Variants in RNF41 observed in about 807,000 individuals in gnomAD.
RNF41 encodes the protein E3 ubiquitin-protein ligase NRDP1.
In RNF41, 4 loss-of-function variants were observed where a neutral mutation model predicts 33.0. That is an observed-to-expected ratio of 0.12 (90% CI 0.06 to 0.28). The LOEUF is 0.28. RNF41 is among the 10% of genes least tolerant of loss of function. The probability of loss-of-function intolerance (pLI) is 1.00; values close to 1 mark genes in which losing one functional copy is unlikely to be tolerated. For synonymous variants in RNF41, 164 were observed against 153.2 expected, an observed-to-expected ratio of 1.07 and a Z score of -0.52; for missense variants, 228 against 432.6, an observed-to-expected ratio of 0.53 and a Z score of 4.19.
In RNF41 at chr12:56,203,678, G is replaced by A. The variant is rs1363091903; in HGVS notation, c.*2769C>T. On this transcript the variant is annotated 3_prime_UTR_variant, in exon 7 of 7. Transcript: ENST00000345093. ...CAAAGTGCTGGGATTACAGACGTGA[G>A]CCACCGTGCCCGGCCTATGAAGACT... The A allele has an allele frequency of 9.7e-5, 14 of 143,938 alleles. No individual in the cohort carries two copies. In the Admixed American group the frequency reaches 1.0e-3, roughly 10 times the overall value. The allele number at this position is 143,938 out of a possible 1,614,324, so 8.9% of individuals were successfully genotyped here. A position where few individuals can be genotyped will look rare whatever the true frequency, so the allele number is the denominator to read the frequency against.
Position 56,206,624 on chromosome 12 carries a change from C to G in RNF41, c.777G>C (p.Leu259=), listed in dbSNP as rs767072626. 1.2e-6 allele frequency: 2 copies of G among 1,614,144 alleles called. No homozygotes were observed. The highest frequency in any genetic ancestry group is 1.7e-6 in the Non-Finnish European group (2 of 1,180,020). The change falls in exon 7 of 7, where the codon CTG becomes CTC. Residue 259 remains leucine, a synonymous_variant. Coordinates refer to ENST00000345093, the MANE Select transcript of RNF41 (RefSeq NM_005785.4). The surrounding 1 kb of genome is among the most constrained non-coding windows in gnomAD (Gnocchi z 5.7). ...TCATCTGTCTAGTCTCTAGTGTGGC[C>G]AGACCCTGGGGCCAGCTACGCTCGT... ...NAHERSWPQG[L]ATLETRQMNR...
At chr12:56,217,265 T>A (rs1019285255) in intron 1 of RNF41, among the ~76,000 whole-genome samples, 3 of 148,882 alleles carry the variant, frequency 2.0e-5, no homozygotes, top group African/African-American at 7.4e-5. Flanking sequence ...AATGCATAGA[T>A]CCAGGTTGCG....
At chr12:56,210,719 G>A (rs748008232) in intron 3 of RNF41, 151 bp from the exon 4 acceptor site, 9 of 743,666 alleles carry the variant, frequency 1.2e-5, no homozygotes, top group Middle Eastern at 3.4e-4. Flanking sequence ...GATCTACTAC[G>A]GGCAAGGCAT....
At chr12:56,209,553 G>T (rs1162578139) in intron 4 of RNF41, among the ~76,000 whole-genome samples, 2 of 151,912 alleles carry the variant, frequency 1.3e-5, no homozygotes, top group African/African-American at 4.8e-5. Context: ...CCCGTCCCAG[G>T]TTCATGCCGT....
Position 56,206,662 on chromosome 12 carries a change from T to A in RNF41, c.739A>T (p.Ile247Phe). ...CAGCTACGCTCGTGGGCATTTTCAA[T>A]CAGCTCGTTGACAATAGAAGCAGGA... ...GCPASIVNEL[I>F]ENAHERSWPQ... The change falls in exon 7 of 7, where the codon ATT becomes TTT. Residue 247 changes from isoleucine (I) to phenylalanine (F), a missense_variant. By Grantham distance (21) the Ile-to-Phe change is conservative (BLOSUM62 0). Transcript: ENST00000345093. This position sits in a 1 kb window ranked among gnomAD's most constrained non-coding sequence, Gnocchi z 5.7. The A allele has an allele frequency of 6.2e-7, 1 of 1,614,098 alleles. No individual in the cohort carries two copies. Among genetic ancestry groups the A allele is most frequent in the Non-Finnish European group, 8.5e-7 (1 of 1,180,032 alleles).
rs1468094494 is a variant in RNF41, at chr12:56,211,510, G to A, written c.91-942C>T. On this transcript the variant is annotated intron_variant, in intron 3 of 6. Coordinates refer to ENST00000345093, the MANE Select transcript of RNF41 (RefSeq NM_005785.4). ...CCAATTATTAATTGCCATCTGGATTGCATACACAATAATTGCCAAAAATGT... is the reference window on the plus strand; with the variant it reads ...CCAATTATTAATTGCCATCTGGATTACATACACAATAATTGCCAAAAATGT... Among the ~76,000 whole-genome samples, 4 of 151,360 alleles carry A rather than the reference G, an allele frequency of 2.6e-5. No homozygotes were observed. In the South Asian group the frequency reaches 8.3e-4, roughly 31 times the overall value.
chr12:56,220,981 G>A (rs1374293028), intron 1 of RNF41, among the ~76,000 whole-genome samples: 1 of 152,044 alleles, frequency 6.6e-6, no homozygotes, highest in Non-Finnish European at 1.5e-5. Flanking sequence ...GTATAGAAAG[G>A]GATAACACTA....
At chr12:56,213,294 G>A (rs984491058) in intron 3 of RNF41, among the ~76,000 whole-genome samples, 3 of 151,546 alleles carry the variant, frequency 2.0e-5, no homozygotes, top group African/African-American at 4.9e-5. Flanking sequence ...TCCTACTCCC[G>A]GGTTCAAGCA....
At chr12:56,208,121 T>C (rs1868309070) in intron 5 of RNF41, 42 bp downstream of exon 5, 2 of 1,611,768 alleles carry the variant, frequency 1.2e-6, no homozygotes, top group Non-Finnish European at 1.7e-6. Flanking sequence ...GGCAGTTATC[T>C]GCATATGAGG....
rs770047490 is a variant in RNF41 at position 56,210,341 on chromosome 12, A to G, written c.318T>C (p.Cys106=). 1 of 1,614,142 alleles carries G rather than the reference A, an allele frequency of 6.2e-7. No individual in the cohort carries two copies. The highest frequency in any genetic ancestry group is 8.5e-7 in the Non-Finnish European group (1 of 1,179,998). Residue 106 remains cysteine, a synonymous_variant, in exon 4 of 7, where the codon TGT becomes TGC. Transcript: ENST00000345093. ...TCACAGGCCGCTTCGGGTTGTGCTC[A>G]CAGTCGCTGAGGTGAGACATGAGGT... ...LDNLMSHLSD[C]EHNPKRPVTC...
intron 4 of RNF41, chr12:56,210,015 G>C (rs902911081): frequency 4.9e-5 from 22 of 444,984 alleles, no homozygotes; most frequent in Non-Finnish European, 8.2e-5. Flanking sequence ...ACGGAAAGTA[G>C]TATTGGACTG....
At chr12:56,218,320 C>CA (rs1869062007) in intron 1 of RNF41, among the ~76,000 whole-genome samples, 1 of 151,966 alleles carries the variant, frequency 6.6e-6, no homozygotes. Flanking sequence ...AGTACAGTGG[C>CA]ATGATCATAG....
intron 1 of RNF41, among the ~76,000 whole-genome samples, chr12:56,216,858 AGGCCG>A (rs1868924396): frequency 6.6e-6 from 1 of 152,132 alleles, no homozygotes; most frequent in Admixed American, 6.6e-5. Context: ...AGGACAAGAG[AGGCCG>A]GGCGTGGTGG....
chr12:56,207,115 A>G (rs1472195201), intron 6 of RNF41: 1 of 1,316,848 alleles, frequency 7.6e-7, no homozygotes, highest in Non-Finnish European at 9.8e-7. Context: ...TTATTCCTCT[A>G]TCCTATGTCC....
In RNF41 at chr12:56,208,369, G is replaced by A. The variant is rs1868316879; in HGVS notation, c.363-71C>T. The A allele has an allele frequency of 2.0e-6, 3 of 1,537,892 alleles. No individual in the cohort carries two copies. The East Asian group carries it at 6.8e-5, about 35-fold the overall frequency. ...GACATGTATGCAAATGGCCTATTCT[G>A]TGGCAGATAACTGCTAAGTAGATTT... On this transcript the variant is annotated intron_variant, in intron 4 of 6. Coordinates refer to ENST00000345093, the MANE Select transcript of RNF41 (RefSeq NM_005785.4).
Position 56,214,009 on chromosome 12 carries a change from G to A in RNF41, c.39C>T (p.Asp13=), listed in dbSNP as rs756711543. 3.7e-5 allele frequency: 59 copies of A among 1,613,780 alleles called. No individual in the cohort carries two copies. Among genetic ancestry groups the A allele is most frequent in the Admixed American group, 8.3e-5 (5 of 59,982 alleles). Residue 13 remains aspartate, a synonymous_variant, in exon 3 of 7, where the codon GAC becomes GAT. Coordinates refer to ENST00000345093, the MANE Select transcript of RNF41 (RefSeq NM_005785.4). ...TGCAAATAGGGCAGATAAGATCTTCGTCAACATCCCCCTGGAAACGGGTTA... is the reference window on the plus strand; with the variant it reads ...TGCAAATAGGGCAGATAAGATCTTCATCAACATCCCCCTGGAAACGGGTTA... ...YDVTRFQGDV[D]EDLICPICSG... is the part of the protein sequence containing the mutation.
intron 4 of RNF41, 178 bp from the exon 5 acceptor site, chr12:56,208,476 T>C (rs1436310433): frequency 1.9e-6 from 1 of 536,452 alleles, no homozygotes; most frequent in Non-Finnish European, 3.2e-6. Context: ...AGCTTCCTAC[T>C]TGCCCCTTTG....
At chr12:56,215,627 G>A (rs1868826155) in intron 2 of RNF41, among the ~76,000 whole-genome samples, 1 of 151,000 alleles carries the variant, frequency 6.6e-6, no homozygotes. Context: ...GCTGAGGCAG[G>A]AGAATCGCTT....
At position 56,220,996 on chromosome 12, in the gene RNF41, G is replaced by A. The variant is rs373407485; in HGVS notation, c.-209+764C>T. The stretch of plus-strand genomic sequence containing the variant: ...GTATAGAAAGGGATAACACTATCAC[G>A]GGCCAGTCCCCAAGAACAGTGGCCT... On this transcript the variant is annotated intron_variant, in intron 1 of 6. Coordinates refer to ENST00000345093, the MANE Select transcript of RNF41 (RefSeq NM_005785.4). Among the ~76,000 whole-genome samples the A allele has an allele frequency of 2.3e-4, 35 of 152,180 alleles. No homozygotes were observed. In the East Asian group the frequency reaches 4.5e-3, roughly 19 times the overall value.
Sources: gnomAD v4.1 joint callset for allele counts (sites outside exome capture counted in the v4.1 genomes callset) on GRCh38, gnomAD v4.1.1 for gene constraint, Gnocchi (gnomAD v3.1) non-coding constraint, MANE v1.5 for transcripts, NCBI Gene and HGNC (gene_info 2026-07-23, HGNC 2026-07-21) for gene names.